Variants in RAB31 observed in about 807,000 individuals in gnomAD.
RAB31 encodes ras-related protein Rab-31.
RAB31 carries 21 observed loss-of-function variants against 25.6 expected under a neutral mutation model. That is an observed-to-expected ratio of 0.82 (90% CI 0.58 to 1.18). The LOEUF (loss-of-function observed/expected upper bound fraction) is 1.18. RAB31 is among the 50% of genes most tolerant of loss of function. RAB31 has a pLI of 0.00. For missense variants in RAB31, 196 were observed against 250.1 expected (o/e 0.78, Z 1.46); for synonymous variants, 87 against 84.0 (o/e 1.04, Z -0.20).
chr18:9,730,127 G>T (rs1054641831), intron 1 of RAB31, among the ~76,000 whole-genome samples: 1 of 152,212 alleles, frequency 6.6e-6, no homozygotes, highest in African/African-American at 2.4e-5. Context: ...ATCGCTGTGG[G>T]TGTAGCTAAA....
rs1045583940 is a variant in RAB31, at chr18:9,834,120, T to G, written c.381-11462T>G. ...ATAGTTCTCCACTATGCAGCCCTTT[T>G]TTTTTCTTTTTTGAGATGTAGTTTC... On this transcript the variant is annotated intron_variant, in intron 5 of 6. Coordinates refer to ENST00000578921, the MANE Select transcript of RAB31 (RefSeq NM_006868.4). Among the ~76,000 whole-genome samples, 58 of 152,178 alleles carry G rather than the reference T, an allele frequency of 3.8e-4. 2 individuals are homozygous for G. Among genetic ancestry groups the G allele is most frequent in the Non-Finnish European group, 2.9e-5 (2 of 68,036 alleles).
At chr18:9,743,093 A>G (rs1210033523) in intron 1 of RAB31, among the ~76,000 whole-genome samples, 2 of 152,216 alleles carry the variant, frequency 1.3e-5, no homozygotes, top group African/African-American at 4.8e-5. Flanking sequence ...AAGGGAAATG[A>G]GGACATGCGG....
chr18:9,801,066 T>A (rs2068511771), intron 3 of RAB31, among the ~76,000 whole-genome samples: 1 of 152,226 alleles, frequency 6.6e-6, no homozygotes, highest in African/African-American at 2.4e-5. Flanking sequence ...AACCTGTGGT[T>A]CTTTGTGACT....
At chr18:9,824,725 A>G (rs1488814082) in intron 5 of RAB31, among the ~76,000 whole-genome samples, 1 of 152,228 alleles carries the variant, frequency 6.6e-6, no homozygotes, top group Non-Finnish European at 1.5e-5. Flanking sequence ...GAAGGCATTC[A>G]GAGGCATCCG....
intron 2 of RAB31, among the ~76,000 whole-genome samples, chr18:9,782,639 G>C (rs2068410973): frequency 6.6e-6 from 1 of 151,900 alleles, no homozygotes. Flanking sequence ...CAGGGCCAGT[G>C]CGCCTCCTCC....
chr18:9,715,177 C>T (rs560989991), intron 1 of RAB31, among the ~76,000 whole-genome samples: 2 of 152,020 alleles, frequency 1.3e-5, no homozygotes, highest in East Asian at 3.9e-4. Flanking sequence ...TCAAATACAG[C>T]GGGGGCTGTG....
rs974173034 is a variant in RAB31 at position 9,797,883 on chromosome 18, CTT to C, written c.201+5651_201+5652del. ...TCTAACAGGCTATTCAAGGAATAGT[CTT>C]TTGATGAAACTTGAAATCTGCGAAA... On this transcript the variant is annotated intron_variant, in intron 3 of 6. Transcript: ENST00000578921. Among the ~76,000 whole-genome samples the C allele has an allele frequency of 5.9e-5, 9 of 152,326 alleles. No homozygotes were observed. The East Asian group carries it at 1.5e-3, about 26-fold the overall frequency.
chr18:9,861,538 C>T lies in RAB31; in HGVS notation c.*2213C>T, dbSNP rs1161102566. 1.3e-5 allele frequency: 2 copies of T among 152,176 alleles called. No individual in the cohort carries two copies. The highest frequency in any genetic ancestry group is 2.9e-5 in the Non-Finnish European group (2 of 68,032). 9.4% of individuals were successfully genotyped at this position (152,176 alleles called of 1,614,324 possible). A position where few individuals can be genotyped will look rare whatever the true frequency, so the allele number is the denominator to read the frequency against. On this transcript the variant is annotated 3_prime_UTR_variant, in exon 7 of 7. Transcript: ENST00000578921. ...ACCAGGATTCACATAAACATTGTAT[C>T]TTCTCTGTGGATGCTCAGGCCTTGT...
chr18:9,857,682 TAGATGATAGATA>T (rs1315583139), intron 6 of RAB31, among the ~76,000 whole-genome samples: 75 of 128,174 alleles, frequency 5.9e-4, no homozygotes, highest in South Asian at 2.2e-3. Context: ...GATAGATAGA[TAGATGATAGATA>T]GATAGATAGA....
chr18:9,725,915 GACA>G (rs2068094284), intron 1 of RAB31: 2 of 152,302 alleles, frequency 1.3e-5, no homozygotes, highest in African/African-American at 4.8e-5. Flanking sequence ...CAGCAGCAGC[GACA>G]ACAATATATT....
chr18:9,764,512 G>A (rs961891755), intron 1 of RAB31, among the ~76,000 whole-genome samples: 2 of 152,158 alleles, frequency 1.3e-5, no homozygotes, highest in Non-Finnish European at 2.9e-5. Context: ...GGGAATTGAG[G>A]ATGAAGCCAT....
At chr18:9,846,660 G>T (rs917589709) in intron 6 of RAB31, among the ~76,000 whole-genome samples, 1 of 152,170 alleles carries the variant, frequency 6.6e-6, no homozygotes, top group Non-Finnish European at 1.5e-5. Context: ...GCCTGAGATC[G>T]TTTTTGGCAG....
chr18:9,845,479 G>C, intron 5 of RAB31, 103 bp from the exon 6 acceptor site: 1 of 960,194 alleles, frequency 1.0e-6, no homozygotes, highest in Non-Finnish European at 1.5e-6. Context: ...TATTCTACAA[G>C]AAGATAAAGG....
chr18:9,759,935 G>C (rs2068279388), intron 1 of RAB31, among the ~76,000 whole-genome samples: 1 of 152,012 alleles, frequency 6.6e-6, no homozygotes. Flanking sequence ...AGAAAAGGGG[G>C]CACCAGACTA....
chr18:9,833,232 A>T (rs1396073598), intron 5 of RAB31, among the ~76,000 whole-genome samples: 5 of 152,148 alleles, frequency 3.3e-5, no homozygotes, highest in Admixed American at 3.3e-4. Flanking sequence ...CCGCTCCGGG[A>T]AGAAAATGAC....
intron 1 of RAB31, among the ~76,000 whole-genome samples, chr18:9,774,183 T>C (rs1223299627): frequency 1.3e-5 from 2 of 152,104 alleles, no homozygotes; most frequent in Non-Finnish European, 2.9e-5. Context: ...ATCCCAAATA[T>C]CGGGAACTCT....
intron 5 of RAB31, 49 bp from the exon 6 acceptor site, chr18:9,845,533 T>C: frequency 6.8e-7 from 1 of 1,460,434 alleles, no homozygotes; most frequent in Non-Finnish European, 9.1e-7. Context: ...GTGATTTGTA[T>C]TTTACAAACA....
intron 1 of RAB31, among the ~76,000 whole-genome samples, chr18:9,719,298 A>AAAATAT (rs1568161256): frequency 8.7e-5 from 2 of 23,104 alleles, no homozygotes; most frequent in African/African-American, 1.2e-4. Context: ...AAAAAAAAAA[A>AAAATAT]ATATATATAT....
At chr18:9,795,395 T>TAAACTAA (rs1347074495) in intron 3 of RAB31, among the ~76,000 whole-genome samples, 2 of 152,130 alleles carry the variant, frequency 1.3e-5, no homozygotes, top group African/African-American at 2.4e-5. Context: ...TAGACTTAAT[T>TAAACTAA]AAACTAAAAA....
Sources: gnomAD v4.1 joint callset for allele counts (sites outside exome capture counted in the v4.1 genomes callset) on GRCh38, gnomAD v4.1.1 for gene constraint, MANE v1.5 for transcripts, NCBI Gene and HGNC (gene_info 2026-07-23, HGNC 2026-07-21) for gene names.